The following PDE4D variants were observed in gnomAD, a reference collection of about 807,000 sequenced individuals.
PDE4D encodes the protein phosphodiesterase 4D.
In PDE4D, 24 loss-of-function variants were observed where a neutral mutation model predicts 87.4. That is an observed-to-expected ratio of 0.27 (90% confidence interval 0.20 to 0.39). The LOEUF is 0.39. Ranked by LOEUF, PDE4D falls within the 10% of genes least tolerant of loss-of-function variation. The probability of loss-of-function intolerance (pLI) is 1.00; values close to 1 mark genes in which losing one functional copy is unlikely to be tolerated. For synonymous variants in PDE4D, 384 were observed against 383.2 expected, an observed-to-expected ratio of 1.00 and a Z score of -0.02; for missense variants, 714 against 1,041.0, an observed-to-expected ratio of 0.69 and a Z score of 4.32.
intron 1 of PDE4D, among the ~76,000 whole-genome samples, chr5:59,475,654 G>T (rs1487726841): frequency 1.3e-5 from 2 of 151,974 alleles, no homozygotes; most frequent in African/African-American, 4.8e-5. Flanking sequence ...GTCCATTCTT[G>T]TCTCCCAGTA....
intron 1 of PDE4D, among the ~76,000 whole-genome samples, chr5:59,449,709 T>C (rs1798861322): frequency 6.6e-6 from 1 of 152,176 alleles, no homozygotes; most frequent in African/African-American, 2.4e-5. Context: ...ATGTAGGTTT[T>C]CTCAGTCTGA....
At chr5:60,437,515 C>T (rs1401333653) in intron 1 of PDE4D, among the ~76,000 whole-genome samples, 2 of 152,046 alleles carry the variant, frequency 1.3e-5, no homozygotes, top group Non-Finnish European at 2.9e-5. Context: ...GGTGGGTATC[C>T]TCTCCTATCT....
At chr5:59,807,488 G>A (rs1767870257) in intron 1 of PDE4D, among the ~76,000 whole-genome samples, 1 of 152,150 alleles carries the variant, frequency 6.6e-6, no homozygotes, top group African/African-American at 2.4e-5. Context: ...GCAGGCACCT[G>A]GGCTGGCTTG....
At chr5:60,269,554 G>C (rs1750601234) in intron 1 of PDE4D, among the ~76,000 whole-genome samples, 1 of 150,316 alleles carries the variant, frequency 6.7e-6, no homozygotes. Flanking sequence ...AGACCAATTT[G>C]GTTATATTTT....
intron 1 of PDE4D, among the ~76,000 whole-genome samples, chr5:59,315,648 C>T (rs1773567449): frequency 1.3e-5 from 2 of 152,108 alleles, no homozygotes; most frequent in South Asian, 4.1e-4. Flanking sequence ...ACATCTTAAG[C>T]TTGTAGGCAA....
At chr5:60,422,820 T>C (rs977821664) in intron 1 of PDE4D, among the ~76,000 whole-genome samples, 1 of 151,984 alleles carries the variant, frequency 6.6e-6, no homozygotes, top group Non-Finnish European at 1.5e-5. Flanking sequence ...CAGAGAAACA[T>C]ATAGGTTCAA....
intron 1 of PDE4D, among the ~76,000 whole-genome samples, chr5:59,472,868 T>C (rs1048353164): frequency 1.3e-5 from 2 of 152,002 alleles, no homozygotes; most frequent in Non-Finnish European, 2.9e-5. Flanking sequence ...CTAGAAATGC[T>C]CTCAACATAG....
chr5:59,175,642 G>A (rs1783738614), intron 5 of PDE4D, among the ~76,000 whole-genome samples: 1 of 151,522 alleles, frequency 6.6e-6, no homozygotes, highest in African/African-American at 2.4e-5. Flanking sequence ...CACCACGCCT[G>A]GCTAATTTTT....
In PDE4D at chr5:60,213,782, C is replaced by T. The variant is rs369645559; in HGVS notation, c.-89-28095G>A. ...GTCATTGGCACCTGTCCTCCATTTTCCTAGACCTCCCTCTGGCCCTCAATT... is the reference window on the plus strand; with the variant it reads ...GTCATTGGCACCTGTCCTCCATTTTTCTAGACCTCCCTCTGGCCCTCAATT... On this transcript the variant is annotated intron_variant, in intron 1 of 16. Coordinates refer to the PDE4D transcript ENST00000502484. 4.3e-4 allele frequency among the ~76,000 whole-genome samples: 65 copies of T among 152,242 alleles called. 1 individual carries two copies. The East Asian group carries it at 0.012, about 27-fold the overall frequency.
chr5:59,039,036 A>G (rs758665176), intron 5 of PDE4D, 65 bp from the exon 6 acceptor site: 6 of 1,532,654 alleles, frequency 3.9e-6, no homozygotes, highest in African/African-American at 1.4e-5. Context: ...TAGCGAGTTC[A>G]AAGGGGGCCA....
intron 6 of PDE4D, among the ~76,000 whole-genome samples, chr5:59,010,251 CG>C (rs1041946550): frequency 6.6e-6 from 1 of 152,008 alleles, no homozygotes; most frequent in African/African-American, 2.4e-5. Flanking sequence ...TGCTTGAGCC[CG>C]GGAGGCAGAA....
At chr5:60,211,100 C>T (rs1743159302) in intron 1 of PDE4D, among the ~76,000 whole-genome samples, 1 of 152,234 alleles carries the variant, frequency 6.6e-6, no homozygotes, top group African/African-American at 2.4e-5. Context: ...TGAGCCCTGT[C>T]ACTCTGCTGA....
chr5:60,475,948 T>C (rs772677958), intron 1 of PDE4D, among the ~76,000 whole-genome samples: 1 of 149,898 alleles, frequency 6.7e-6, no homozygotes, highest in Non-Finnish European at 1.5e-5. Flanking sequence ...CAATAAGGGG[T>C]AATAACTAAA....
intron 1 of PDE4D, chr5:59,356,828 G>A (rs375540451): frequency 6.5e-7 from 1 of 1,550,284 alleles, no homozygotes; most frequent in Non-Finnish European, 8.6e-7. Context: ...GCTCCCAGAG[G>A]ATCCCAAACA....
chr5:59,199,985 C>CAT, intron 2 of PDE4D, among the ~76,000 whole-genome samples: 2 of 150,828 alleles, frequency 1.3e-5, no homozygotes, highest in Non-Finnish European at 1.5e-5. Context: ...TACATATATA[C>CAT]ACATGCATAC....
chr5:59,480,644 C>T (rs1053074707), intron 1 of PDE4D, among the ~76,000 whole-genome samples: 1 of 152,120 alleles, frequency 6.6e-6, no homozygotes, highest in Non-Finnish European at 1.5e-5. Context: ...GGGAATACCC[C>T]ATGAAGCCAG....
chr5:59,793,672 TG>T (rs1766083774), intron 1 of PDE4D, among the ~76,000 whole-genome samples: 1 of 152,248 alleles, frequency 6.6e-6, no homozygotes. Context: ...GCACATTTAA[TG>T]CAAAGGAAAG....
At chr5:60,390,384 G>A (rs1016029949) in intron 1 of PDE4D, among the ~76,000 whole-genome samples, 1 of 152,240 alleles carries the variant, frequency 6.6e-6, no homozygotes, top group East Asian at 1.9e-4. Flanking sequence ...TGAGTTTAGC[G>A]CAACCCCAAT....
intron 1 of PDE4D, among the ~76,000 whole-genome samples, chr5:59,323,149 G>A (rs1487224616): frequency 6.6e-6 from 1 of 152,044 alleles, no homozygotes; most frequent in Non-Finnish European, 1.5e-5. Flanking sequence ...TTCATGTAGT[G>A]TACAGTGCCT....
Sources: allele counts gnomAD v4.1 joint callset (sites outside exome capture counted in the v4.1 genomes callset), GRCh38; gene constraint gnomAD v4.1.1; transcripts MANE v1.5; gene names NCBI Gene and HGNC (gene_info 2026-07-23, HGNC 2026-07-21).